Variants in FAM135B observed in about 807,000 individuals in gnomAD.
FAM135B encodes protein FAM135B.
Under a neutral mutation model 127.7 loss-of-function variants are expected in FAM135B, and 43 were observed. That is an observed-to-expected ratio of 0.34 (90% CI 0.26 to 0.43). The LOEUF (loss-of-function observed/expected upper bound fraction) is 0.43, where lower values mean the gene tolerates loss of function less well. FAM135B is among the 20% of genes least tolerant of loss of function. The probability of loss-of-function intolerance (pLI) is 1.00; values close to 1 mark genes in which losing one functional copy is unlikely to be tolerated. For synonymous variants in FAM135B, 670 were observed against 665.1 expected (o/e 1.01, Z -0.11); for missense variants, 1,558 against 1,725.6 (o/e 0.90, Z 1.72).
In FAM135B at chr8:138,151,458, C is replaced by T. The variant is rs1010404353; in HGVS notation, c.3017G>A (p.Gly1006Asp). 1.2e-6 allele frequency: 2 copies of T among 1,614,200 alleles called. No homozygotes were observed. The highest frequency in any genetic ancestry group is 1.7e-6 in the Non-Finnish European group (2 of 1,180,034). The change falls in exon 13 of 20, where the codon GGC (glycine) becomes GAC (aspartate). Residue 1006 changes from glycine to aspartate, a missense_variant. By Grantham distance (94) the Gly-to-Asp change is moderately conservative. Transcript: ENST00000395297. ...CAGATGGGACCCCATGATGGAAGTG[C>T]CTGCCTTCAGCTCTTGGTTTTTCAA... ...QVLKNQELKA[G>D]TSIMGSHLTS...
At chr8:138,377,710 C>A (rs952606199) in intron 1 of FAM135B, among the ~76,000 whole-genome samples, 1 of 152,158 alleles carries the variant, frequency 6.6e-6, no homozygotes, top group African/African-American at 2.4e-5. Flanking sequence ...CATGACCTAG[C>A]AAGTTCTTGA....
intron 3 of FAM135B, among the ~76,000 whole-genome samples, chr8:138,273,961 C>G (rs1823604234): frequency 6.6e-6 from 1 of 152,164 alleles, no homozygotes; most frequent in Admixed American, 6.5e-5. Context: ...CCAGCCCTAT[C>G]TCTCTCCTGA....
rs2130602856 is a variant in FAM135B at position 138,141,436 on chromosome 8, G to A, written c.3639-87C>T. The A allele has an allele frequency of 7.6e-7, 1 of 1,307,822 alleles. No individual in the cohort carries two copies. The highest frequency in any genetic ancestry group is 1.1e-6 in the Non-Finnish European group (1 of 916,606). The allele number at this position is 1,307,822 out of a possible 1,614,324, so 81.0% of individuals were successfully genotyped here. A position where few individuals can be genotyped will look rare whatever the true frequency, so the allele number is the denominator to read the frequency against. ...AGTGCTGGAAGCATCAGGGGCCATTGTTCTCCACCTCCCACTGAATGTAGG... is the reference window on the plus strand; with the variant it reads ...AGTGCTGGAAGCATCAGGGGCCATTATTCTCCACCTCCCACTGAATGTAGG... On this transcript the variant is annotated intron_variant, in intron 16 of 19. Transcript: ENST00000395297. The surrounding 1 kb of genome is among the most constrained non-coding windows in gnomAD (Gnocchi z 4.7).
At chr8:138,244,319 G>A (rs1457890665) in intron 6 of FAM135B, among the ~76,000 whole-genome samples, 1 of 152,124 alleles carries the variant, frequency 6.6e-6, no homozygotes, top group African/African-American at 2.4e-5. Context: ...AATGTGTCCA[G>A]AGATGATCCT....
chr8:138,204,330 C>T (rs781587123), intron 7 of FAM135B, among the ~76,000 whole-genome samples: 17 of 152,212 alleles, frequency 1.1e-4, no homozygotes, highest in Non-Finnish European at 2.1e-4. Flanking sequence ...CAATCATCCC[C>T]TCCTCATGCA....
At chr8:138,384,949 C>T (rs752625920) in intron 1 of FAM135B, among the ~76,000 whole-genome samples, 27 of 152,122 alleles carry the variant, frequency 1.8e-4, no homozygotes, top group Non-Finnish European at 1.6e-4. Flanking sequence ...AGCGACCTCT[C>T]GTTCCTTCAG....
chr8:138,407,266 A>T (rs1563976223), intron 1 of FAM135B, among the ~76,000 whole-genome samples: 1 of 151,748 alleles, frequency 6.6e-6, no homozygotes, highest in Non-Finnish European at 1.5e-5. Flanking sequence ...GAGGACACAA[A>T]CAAATGGAAG....
rs1169380018 is a variant in FAM135B, at chr8:138,241,391, C to A, written c.669+1551G>T. ...GCTCTAAAATCTGCTCCTTCCATGG[C>A]ACAGAACCCCATTCTGGCTTCAGGT... On this transcript the variant is annotated intron_variant, in intron 7 of 19. Coordinates refer to ENST00000395297, the MANE Select transcript of FAM135B (RefSeq NM_015912.4). The surrounding 1 kb of genome is among the most constrained non-coding windows in gnomAD (Gnocchi z 4.8). Among the ~76,000 whole-genome samples the A allele has an allele frequency of 1.3e-5, 2 of 152,188 alleles. No individual in the cohort carries two copies. Among genetic ancestry groups the A allele is most frequent in the East Asian group, 3.9e-4 (2 of 5,194 alleles).
At chr8:138,253,993 G>A (rs2130517702) in intron 5 of FAM135B, among the ~76,000 whole-genome samples, 1 of 152,218 alleles carries the variant, frequency 6.6e-6, no homozygotes, top group South Asian at 2.1e-4. Context: ...CCCTTGCTCT[G>A]ATTATTATTA....
chr8:138,473,580 A>G (rs575858433), intron 1 of FAM135B, among the ~76,000 whole-genome samples: 1 of 152,316 alleles, frequency 6.6e-6, no homozygotes, highest in East Asian at 1.9e-4. Flanking sequence ...CCCAAGCAGT[A>G]AAAGCCATTG....
At chr8:138,299,906 A>T (rs1051373123) in intron 3 of FAM135B, among the ~76,000 whole-genome samples, 1 of 152,218 alleles carries the variant, frequency 6.6e-6, no homozygotes, top group Non-Finnish European at 1.5e-5. Flanking sequence ...TATAATTAAA[A>T]TTGGTATATT....
At chr8:138,449,905 A>G (rs1227482541) in intron 1 of FAM135B, among the ~76,000 whole-genome samples, 3 of 152,172 alleles carry the variant, frequency 2.0e-5, no homozygotes, top group African/African-American at 7.2e-5. Flanking sequence ...CAATCCCTAT[A>G]TATACATAAA....
chr8:138,463,997 T>C (rs1437579790), intron 1 of FAM135B, among the ~76,000 whole-genome samples: 1 of 152,250 alleles, frequency 6.6e-6, no homozygotes, highest in East Asian at 1.9e-4. Context: ...CATGAGATTA[T>C]CAGTACCTTG....
rs566389271 is a variant in FAM135B, at chr8:138,463,417, G to A, written c.-20+33254C>T. 1.5e-4 allele frequency among the ~76,000 whole-genome samples: 23 copies of A among 152,270 alleles called. No individual in the cohort carries two copies. The South Asian group carries it at 4.6e-3, about 30-fold the overall frequency. ...AGAGAATTGTATCAGGAAAGGGGGT[G>A]GGTGTTGGGGCCTCCAGATAGAGCA... On this transcript the variant is annotated intron_variant, in intron 1 of 19. Transcript: ENST00000395297.
chr8:138,326,276 C>T (rs1022084069), intron 2 of FAM135B, among the ~76,000 whole-genome samples: 2 of 152,062 alleles, frequency 1.3e-5, no homozygotes, highest in Non-Finnish European at 2.9e-5. Flanking sequence ...AGGGAGGTAC[C>T]ATTTGCAGGT....
chr8:138,167,764 C>T, intron 12 of FAM135B, 131 bp downstream of exon 12: 3 of 1,045,026 alleles, frequency 2.9e-6, no homozygotes, highest in Non-Finnish European at 4.0e-6. Flanking sequence ...ACTTTGTTTC[C>T]TCTCTATGAA....
At chr8:138,289,888 G>A (rs1229342998) in intron 3 of FAM135B, among the ~76,000 whole-genome samples, 1 of 152,110 alleles carries the variant, frequency 6.6e-6, no homozygotes, top group Admixed American at 6.6e-5. Context: ...TACTCAAGTG[G>A]CAACACACCC....
chr8:138,149,209 A>G (rs370044185), intron 13 of FAM135B, among the ~76,000 whole-genome samples: 2 of 152,026 alleles, frequency 1.3e-5, no homozygotes, highest in East Asian at 1.9e-4. Context: ...CGAAGCTTCT[A>G]TGGGTTTTGG....
chr8:138,455,525 A>C (rs915737534), intron 1 of FAM135B, among the ~76,000 whole-genome samples: 153 of 152,334 alleles, frequency 1.0e-3, no homozygotes, highest in African/African-American at 3.6e-3. Flanking sequence ...GTATTACCTA[A>C]TCTGATCCTT....
Sources: gnomAD v4.1 joint callset for allele counts (sites outside exome capture counted in the v4.1 genomes callset) on GRCh38, gnomAD v4.1.1 for gene constraint, Gnocchi (gnomAD v3.1) non-coding constraint, MANE v1.5 for transcripts, NCBI Gene and HGNC (gene_info 2026-07-23, HGNC 2026-07-21) for gene names.